Variants in TMCC1 observed in about 807,000 individuals in gnomAD.
TMCC1 encodes the protein transmembrane and coiled-coil domain family 1, also known as transmembrane and coiled-coil domains protein 1.
Under a neutral mutation model 52.4 loss-of-function variants are expected in TMCC1, and 15 were observed. That is an observed-to-expected ratio of 0.29 (90% CI 0.19 to 0.44). The LOEUF is 0.44. Among genes scored for constraint, TMCC1 ranks in the 20% least tolerant of loss-of-function variants. TMCC1 has a pLI of 1.00. For synonymous variants in TMCC1, 279 were observed against 301.9 expected (o/e 0.92, Z 0.79); for missense variants, 503 against 806.0 (o/e 0.62, Z 4.55).
chr3:129,868,967 C>T (rs1031154957), intron 2 of TMCC1: 4 of 152,084 alleles, frequency 2.6e-5, no homozygotes, highest in Admixed American at 2.6e-4. Flanking sequence ...GTCCTTGATT[C>T]CTGGCAGAGC....
At chr3:129,697,242 T>C (rs1456002884) in intron 4 of TMCC1, among the ~76,000 whole-genome samples, 2 of 152,182 alleles carry the variant, frequency 1.3e-5, no homozygotes, top group Non-Finnish European at 2.9e-5. Context: ...TTCCCAAACC[T>C]CAATTCTTGA....
chr3:129,716,550 T>C (rs2049125568), intron 4 of TMCC1, among the ~76,000 whole-genome samples: 2 of 149,290 alleles, frequency 1.3e-5, no homozygotes, highest in African/African-American at 2.5e-5. Flanking sequence ...GGTTTCTCCA[T>C]GTTGGTCAGG....
chr3:129,714,931 G>A (rs2048956893), intron 4 of TMCC1, among the ~76,000 whole-genome samples: 1 of 152,096 alleles, frequency 6.6e-6, no homozygotes, highest in Non-Finnish European at 1.5e-5. Context: ...TATTTCCTGG[G>A]CTTACAGAGC....
At chr3:129,759,896 T>C (rs1168327897) in intron 4 of TMCC1, among the ~76,000 whole-genome samples, 1 of 151,240 alleles carries the variant, frequency 6.6e-6, no homozygotes, top group African/African-American at 2.4e-5. Context: ...TAATTTTTTG[T>C]ATTTTTAGTA....
rs2086196561 is a variant in TMCC1 at position 129,649,394 on chromosome 3, T to C, written c.*2087A>G. ...TACATATAGGCTTGGGGACAATTTG[T>C]TTTTGGCATGAACATGAATTGGTTC... On this transcript the variant is annotated 3_prime_UTR_variant, in exon 7 of 7. Coordinates refer to ENST00000393238, the MANE Select transcript of TMCC1 (RefSeq NM_001017395.5). The C allele has an allele frequency of 6.6e-6, 1 of 152,212 alleles. No individual in the cohort carries two copies. The highest frequency in any genetic ancestry group is 2.4e-5 in the African/African-American group (1 of 41,432). The allele number at this position is 152,212 out of a possible 1,614,324, so 9.4% of individuals were successfully genotyped here. A position where few individuals can be genotyped will look rare whatever the true frequency, so the allele number is the denominator to read the frequency against.
chr3:129,681,406 ACTAT>A (rs1187474082), intron 4 of TMCC1, among the ~76,000 whole-genome samples: 2 of 151,976 alleles, frequency 1.3e-5, no homozygotes, highest in Non-Finnish European at 2.9e-5. Context: ...ACCTTCCTTT[ACTAT>A]CTAACTCGCT....
At chr3:129,731,406 T>C (rs557827214) in intron 4 of TMCC1, among the ~76,000 whole-genome samples, 2 of 152,266 alleles carry the variant, frequency 1.3e-5, no homozygotes, top group East Asian at 1.9e-4. Context: ...GGTGAAACCC[T>C]GTCTCTACTA....
chr3:129,819,803 A>G (rs1420298636), intron 4 of TMCC1: 1 of 152,098 alleles, frequency 6.6e-6, no homozygotes, highest in Non-Finnish European at 1.5e-5. Flanking sequence ...CCCATATACT[A>G]AAATTGGAAT....
At chr3:129,880,012 T>C (rs2061391338) in intron 2 of TMCC1, among the ~76,000 whole-genome samples, 1 of 152,132 alleles carries the variant, frequency 6.6e-6, no homozygotes, top group African/African-American at 2.4e-5. Flanking sequence ...GTCTCTATTA[T>C]AAAAAATAAA....
At chr3:129,678,988 T>C (rs1423931262) in intron 4 of TMCC1, among the ~76,000 whole-genome samples, 2 of 152,156 alleles carry the variant, frequency 1.3e-5, no homozygotes, top group Non-Finnish European at 2.9e-5. Flanking sequence ...TTCCAGTGGC[T>C]CTCTAGGTCA....
rs2086133450 is a variant in TMCC1, at chr3:129,648,208, G to C, written c.*3273C>G. On this transcript the variant is annotated 3_prime_UTR_variant, in exon 7 of 7. Coordinates refer to ENST00000393238, the MANE Select transcript of TMCC1 (RefSeq NM_001017395.5). ...GCATATTTTCCAAAGCTGAAAGGCA[G>C]CTCCTCATTGGAACTCTCTCAGAAC... 1 of 152,240 alleles carries C rather than the reference G, an allele frequency of 6.6e-6. No homozygotes were observed. Among genetic ancestry groups the C allele is most frequent in the Non-Finnish European group, 1.5e-5 (1 of 68,048 alleles). 9.4% of individuals were successfully genotyped at this position (152,240 alleles called of 1,614,324 possible). A position where few individuals can be genotyped will look rare whatever the true frequency, so the allele number is the denominator to read the frequency against.
intron 4 of TMCC1, among the ~76,000 whole-genome samples, chr3:129,787,466 A>G (rs2056121246): frequency 6.6e-6 from 1 of 152,162 alleles, no homozygotes. Context: ...TCTTCTTATT[A>G]AACATATTTT....
At chr3:129,875,732 C>T (rs562144838) in intron 2 of TMCC1, among the ~76,000 whole-genome samples, 196 of 152,228 alleles carry the variant, frequency 1.3e-3, no homozygotes, top group Non-Finnish European at 1.9e-3. Flanking sequence ...AAGAGGTCTT[C>T]CATAAAAGCC....
intron 4 of TMCC1, among the ~76,000 whole-genome samples, chr3:129,782,865 A>G (rs185625743): frequency 2.4e-4 from 36 of 152,314 alleles, no homozygotes; most frequent in Admixed American, 2.2e-3. Context: ...TTTATCAGCA[A>G]AAGTACTATT....
chr3:129,676,620 G>A (rs1447743894), intron 4 of TMCC1, among the ~76,000 whole-genome samples: 2 of 152,180 alleles, frequency 1.3e-5, no homozygotes, highest in East Asian at 1.9e-4. Flanking sequence ...CTTTCTCTAA[G>A]TAGATGAAAG....
intron 1 of TMCC1, among the ~76,000 whole-genome samples, chr3:129,881,071 C>T (rs764913339): frequency 7.2e-5 from 11 of 151,990 alleles, no homozygotes; most frequent in Non-Finnish European, 1.3e-4. Context: ...ACCATGTTGG[C>T]CAGGCTGGTC....
intron 1 of TMCC1, among the ~76,000 whole-genome samples, chr3:129,886,824 C>G (rs1402607650): frequency 6.6e-6 from 1 of 151,934 alleles, no homozygotes; most frequent in Non-Finnish European, 1.5e-5. Context: ...GTAATCCCAG[C>G]TACTCGGGAG....
chr3:129,671,286 C>T (rs6769406), intron 4 of TMCC1, 22 bp from the exon 5 acceptor site: 2 of 1,583,388 alleles, frequency 1.3e-6, no homozygotes, highest in South Asian at 2.3e-5. Flanking sequence ...ACAAGAGGTA[C>T]ATGTTAGAAG....
Position 129,726,868 on chromosome 3 carries a change from C to CAAAAAAAAAAA in TMCC1, c.577-55615_577-55605dup, listed in dbSNP as rs550398948. Reference sequence around the variant, plus strand: ...TGGGTAACAGAGCAAGACTCTGTCTCAAAAAAAAAAAAAAAAAAAAAAAAA... The same window carrying CAAAAAAAAAAA: ...TGGGTAACAGAGCAAGACTCTGTCTCAAAAAAAAAAAAAAAAAAAAAAAAAAAAAAAAAAAA... On this transcript the variant is annotated intron_variant, in intron 4 of 6. Transcript: ENST00000393238. 7.4e-3 allele frequency among the ~76,000 whole-genome samples: 95 copies of CAAAAAAAAAAA among 12,820 alleles called. 28 individuals are homozygous for CAAAAAAAAAAA. Among genetic ancestry groups the CAAAAAAAAAAA allele is most frequent in the African/African-American group, 0.013 (60 of 4,606 alleles). The allele number at this position is 12,820 out of a possible 152,430, so 8.4% of individuals were successfully genotyped here.
Sources: allele counts gnomAD v4.1 joint callset (sites outside exome capture counted in the v4.1 genomes callset), GRCh38; gene constraint gnomAD v4.1.1; transcripts MANE v1.5; gene names NCBI Gene and HGNC (gene_info 2026-07-23, HGNC 2026-07-21).